The following TMEM184B variants were observed in gnomAD, a reference collection of about 807,000 sequenced individuals.
The protein encoded by TMEM184B is transmembrane protein 184B, also known as putative MAPK-activating protein FM08.
A neutral mutation model predicts 41.8 loss-of-function variants in TMEM184B; 17 were observed. The observed-to-expected ratio is 0.41, with a 90% confidence interval of 0.28 to 0.61. TMEM184B has a LOEUF of 0.61. Among genes scored for constraint, TMEM184B ranks in the 20% least tolerant of loss-of-function variants. The pLI, the probability that TMEM184B is intolerant of heterozygous loss-of-function variation, is 0.34. For synonymous variants in TMEM184B, 240 were observed against 229.5 expected (o/e 1.05, Z -0.41); for missense variants, 393 against 557.8 (o/e 0.70, Z 2.98).
At chr22:38,231,100 C>T (rs1239505271) in intron 4 of TMEM184B, 144 bp downstream of exon 4, 4 of 757,078 alleles carry the variant, frequency 5.3e-6, no homozygotes, top group African/African-American at 3.4e-5. Context: ...AGAAGAATGG[C>T]GTTGCTCAGG....
Position 38,221,385 on chromosome 22 carries a change from C to T in TMEM184B, c.*84G>A, listed in dbSNP as rs1191573187. ...GCGGCGTGAGCACTGTGCCAGCTGC[C>T]TCCTGGCCTGGTGGTGAGGCTGGAG... On this transcript the variant is annotated 3_prime_UTR_variant, in exon 9 of 9. Transcript: ENST00000361906. 15 of 1,512,798 alleles carry T rather than the reference C, an allele frequency of 9.9e-6. No individual in the cohort carries two copies. The highest frequency in any genetic ancestry group is 1.4e-5 in the African/African-American group (1 of 72,150). 93.7% of individuals were successfully genotyped at this position (1,512,798 alleles called of 1,614,324 possible).
chr22:38,219,847 G>GC lies in TMEM184B; in HGVS notation c.*1621dup, dbSNP rs1379049874. ...CGGGCAGCTTGGGCCCAACTGCTCCGCCCCCCCAAGATGGAGGGGGAGAGC... is the reference window on the plus strand; with the variant it reads ...CGGGCAGCTTGGGCCCAACTGCTCCGCCCCCCCCAAGATGGAGGGGGAGAGC... On this transcript the variant is annotated 3_prime_UTR_variant, in exon 9 of 9. Coordinates refer to ENST00000361906, the MANE Select transcript of TMEM184B (RefSeq NM_012264.5). 36 of 985,148 alleles carry GC rather than the reference G, an allele frequency of 3.7e-5. No homozygotes were observed. Among genetic ancestry groups the GC allele is most frequent in the Admixed American group, 6.2e-5 (1 of 16,246 alleles). The allele number at this position is 985,148 out of a possible 1,614,324, so 61.0% of individuals were successfully genotyped here.
At chr22:38,237,415 G>A (rs550743038) in intron 3 of TMEM184B, among the ~76,000 whole-genome samples, 12 of 152,334 alleles carry the variant, frequency 7.9e-5, no homozygotes, top group Non-Finnish European at 1.3e-4. Flanking sequence ...CACACACTGC[G>A]TGCGGGACCC....
chr22:38,254,378 T>A (rs906383069), intron 1 of TMEM184B, among the ~76,000 whole-genome samples: 3 of 151,982 alleles, frequency 2.0e-5, no homozygotes. Flanking sequence ...GGCAGGTGGA[T>A]CACTTGAAGC....
At chr22:38,271,192 T>C (rs764554742) in intron 1 of TMEM184B, among the ~76,000 whole-genome samples, 1 of 152,216 alleles carries the variant, frequency 6.6e-6, no homozygotes, top group Non-Finnish European at 1.5e-5. Context: ...TAAATCAGTG[T>C]CCATCTTCCC....
At position 38,247,822 on chromosome 22, in the gene TMEM184B, T is replaced by C. The variant is rs1184080883; in HGVS notation, c.140A>G (p.Gln47Arg). The stretch of plus-strand genomic sequence containing the variant: ...CCACACGAAGAAGCCAGAGATGGCC[T>C]GAGCGGCAGTTGTCATCAGGAACAC... ...QPVFLMTTAA[Q>R]AISGFFVWTA... Residue 47 changes from glutamine (Q) to arginine (R), a missense_variant, in exon 2 of 9, where the codon CAG becomes CGG. Physicochemically the swap from Gln to Arg is conservative, Grantham distance 43 (BLOSUM62 1). Transcript: ENST00000361906. The C allele has an allele frequency of 1.2e-6, 2 of 1,614,020 alleles. No homozygotes were observed. The highest frequency in any genetic ancestry group is 2.2e-5 in the South Asian group (2 of 91,052).
At chr22:38,240,704 G>A (rs2091884160) in intron 3 of TMEM184B, among the ~76,000 whole-genome samples, 1 of 119,284 alleles carries the variant, frequency 8.4e-6, no homozygotes, top group African/African-American at 3.3e-5. Context: ...GATCCTAAAT[G>A]CAAAGAGGAG....
chr22:38,268,584 T>C (rs1217866684), intron 1 of TMEM184B, among the ~76,000 whole-genome samples: 2 of 152,132 alleles, frequency 1.3e-5, no homozygotes, highest in Non-Finnish European at 2.9e-5. Flanking sequence ...GCTGAGGAGA[T>C]GGCATTCAGC....
At chr22:38,235,822 G>A (rs1031968813) in intron 3 of TMEM184B, among the ~76,000 whole-genome samples, 3 of 152,206 alleles carry the variant, frequency 2.0e-5, no homozygotes, top group East Asian at 3.8e-4. Flanking sequence ...TAAAAGATGC[G>A]TGCGTGGATG....
intron 1 of TMEM184B, among the ~76,000 whole-genome samples, chr22:38,252,403 G>C (rs1183557087): frequency 6.6e-6 from 1 of 152,164 alleles, no homozygotes; most frequent in Non-Finnish European, 1.5e-5. Context: ...CTTCTGCCAG[G>C]AACATGACAG....
At chr22:38,262,482 A>C (rs2145769616) in intron 1 of TMEM184B, among the ~76,000 whole-genome samples, 2 of 151,376 alleles carry the variant, frequency 1.3e-5, no homozygotes, top group Admixed American at 1.3e-4. Flanking sequence ...GGGAGTTAAG[A>C]GGGCAGACAG....
In TMEM184B at chr22:38,225,637, G is replaced by A; in HGVS notation, c.618-44C>T. The A allele has an allele frequency of 1.3e-6, 2 of 1,568,550 alleles. No individual in the cohort carries two copies. The highest frequency in any genetic ancestry group is 2.4e-5 in the East Asian group (1 of 41,880). The stretch of plus-strand genomic sequence containing the variant: ...TTTCTGGCTGGGACAGACCCTTGGA[G>A]GGAAGGGGCTCTCCTCGACTGCACC... On this transcript the variant is annotated intron_variant, in intron 6 of 8. Transcript: ENST00000361906. This position sits in a 1 kb window ranked among gnomAD's most constrained non-coding sequence, Gnocchi z 4.4.
At chr22:38,253,064 C>T (rs2092203891) in intron 1 of TMEM184B, among the ~76,000 whole-genome samples, 1 of 152,212 alleles carries the variant, frequency 6.6e-6, no homozygotes, top group East Asian at 1.9e-4. Flanking sequence ...ATGGCGTGAA[C>T]CCGGGAGGCA....
chr22:38,218,600 A>G (rs1264160788), downstream of TMEM184B, among the ~76,000 whole-genome samples: 2 of 152,136 alleles, frequency 1.3e-5, no homozygotes, highest in African/African-American at 4.8e-5. Flanking sequence ...GGAAAGGGCC[A>G]GATCACGTAG....
At chr22:38,218,193 T>C (rs866364864), downstream of TMEM184B, among the ~76,000 whole-genome samples, 1 of 152,294 alleles carries the variant, frequency 6.6e-6, no homozygotes, top group African/African-American at 2.4e-5. Flanking sequence ...GCCTAAACCA[T>C]AACCCTGTGT....
chr22:38,259,731 C>T (rs535750355), intron 1 of TMEM184B, among the ~76,000 whole-genome samples: 15 of 152,238 alleles, frequency 9.9e-5, no homozygotes, highest in East Asian at 7.7e-4. Flanking sequence ...TTAATGTGTG[C>T]GCATGCATTT....
At position 38,220,210 on chromosome 22, in the gene TMEM184B, G is replaced by A; in HGVS notation, c.*1259C>T. 1 of 985,502 alleles carries A rather than the reference G, an allele frequency of 1.0e-6. No individual in the cohort carries two copies. The highest frequency in any genetic ancestry group is 1.2e-6 in the Non-Finnish European group (1 of 829,966). 61.0% of individuals were successfully genotyped at this position (985,502 alleles called of 1,614,324 possible). A position where few individuals can be genotyped will look rare whatever the true frequency, so the allele number is the denominator to read the frequency against. On this transcript the variant is annotated 3_prime_UTR_variant, in exon 9 of 9. Coordinates refer to ENST00000361906, the MANE Select transcript of TMEM184B (RefSeq NM_012264.5). ...GGTTCCGGAGGCCCCAGGTCTAGAG[G>A]TGTGGAGGGGGAGAGGAGGGGCTTG...
chr22:38,225,121 C>A lies in TMEM184B; in HGVS notation c.788-142G>T. The stretch of plus-strand genomic sequence containing the variant: ...AGCTGCTCCTGCAGGGCAGGGGTAG[C>A]GACACAAGGCCACAGCCTCCGGAAA... On this transcript the variant is annotated intron_variant, in intron 7 of 8. Coordinates refer to ENST00000361906, the MANE Select transcript of TMEM184B (RefSeq NM_012264.5). This position sits in a 1 kb window ranked among gnomAD's most constrained non-coding sequence, Gnocchi z 4.4. The A allele has an allele frequency of 9.7e-7, 1 of 1,026,420 alleles. No homozygotes were observed. The allele number at this position is 1,026,420 out of a possible 1,614,324, so 63.6% of individuals were successfully genotyped here.
chr22:38,230,533 G>A (rs1436824322), intron 5 of TMEM184B, 136 bp downstream of exon 5: 10 of 794,576 alleles, frequency 1.3e-5, no homozygotes, highest in Admixed American at 4.4e-5. Flanking sequence ...TAACAGCTTC[G>A]GGGGGTGGGT....
Sources: gnomAD v4.1 joint callset for allele counts (sites outside exome capture counted in the v4.1 genomes callset) on GRCh38, gnomAD v4.1.1 for gene constraint, Gnocchi (gnomAD v3.1) non-coding constraint, MANE v1.5 for transcripts, NCBI Gene and HGNC (gene_info 2026-07-23, HGNC 2026-07-21) for gene names.